Variants in KAT2B observed in about 807,000 individuals in gnomAD.
The protein encoded by KAT2B is lysine acetyltransferase 2B.
Under a neutral mutation model 105.9 loss-of-function variants are expected in KAT2B, and 36 were observed. The observed-to-expected ratio is 0.34, with a 90% CI of 0.26 to 0.45. The LOEUF (loss-of-function observed/expected upper bound fraction) is 0.45. Among genes scored for constraint, KAT2B ranks in the 20% least tolerant of loss-of-function variants. The probability of loss-of-function intolerance (pLI) is 1.00; values close to 1 mark genes in which losing one functional copy is unlikely to be tolerated. For missense variants in KAT2B, 820 were observed against 1,021.6 expected (o/e 0.80, Z 2.69); for synonymous variants, 397 against 377.9 (o/e 1.05, Z -0.59).
At chr3:20,098,224 C>T (rs1050434443) in intron 3 of KAT2B, among the ~76,000 whole-genome samples, 1 of 133,098 alleles carries the variant, frequency 7.5e-6, no homozygotes, top group Non-Finnish European at 1.6e-5. Context: ...AGTGAGACAA[C>T]GTCCCAAATT....
chr3:20,135,066 C>T (rs1699577099), intron 11 of KAT2B, among the ~76,000 whole-genome samples: 1 of 152,182 alleles, frequency 6.6e-6, no homozygotes. Flanking sequence ...CCTCTATACA[C>T]ATGTGTTTAT....
At chr3:20,089,994 AC>A (rs1698688104) in intron 2 of KAT2B, among the ~76,000 whole-genome samples, 3 of 148,546 alleles carry the variant, frequency 2.0e-5, no homozygotes, top group Admixed American at 6.9e-5. Flanking sequence ...AAACAAACAA[AC>A]AAAAAAACAA....
At chr3:20,113,796 C>A (rs986136705) in intron 6 of KAT2B, among the ~76,000 whole-genome samples, 2 of 151,946 alleles carry the variant, frequency 1.3e-5, no homozygotes, top group African/African-American at 4.8e-5. Context: ...TCTTCCTATT[C>A]TTCATATGTG....
chr3:20,144,768 T>G (rs1334751656), intron 13 of KAT2B, among the ~76,000 whole-genome samples: 3 of 151,688 alleles, frequency 2.0e-5, no homozygotes, highest in Non-Finnish European at 4.4e-5. Context: ...GCTGTAAGTA[T>G]AAAATCCTCT....
chr3:20,136,492 G>C (rs549157125), intron 11 of KAT2B, among the ~76,000 whole-genome samples: 18 of 151,930 alleles, frequency 1.2e-4, no homozygotes, highest in Non-Finnish European at 2.5e-4. Context: ...GTAAACACTT[G>C]GATTACTAAA....
At chr3:20,101,568 A>G (rs547214206) in intron 5 of KAT2B, 100 bp downstream of exon 5, 3 of 849,286 alleles carry the variant, frequency 3.5e-6, no homozygotes, top group South Asian at 3.3e-5. Context: ...AGTTATCATT[A>G]TGACTCCATC....
At chr3:20,048,215 A>T (rs1697850027) in intron 1 of KAT2B, among the ~76,000 whole-genome samples, 1 of 152,236 alleles carries the variant, frequency 6.6e-6, no homozygotes, top group Non-Finnish European at 1.5e-5. Context: ...AAAGCCTGAG[A>T]GAAAGATGTC....
rs1697691415 is a variant in KAT2B, at chr3:20,040,507, C to T, written c.30C>T (p.Gly10=). MSEAGGAGP[G]GCGAGAGAGA... is the part of the protein sequence containing the mutation. ...CCGAGGCTGGCGGGGCCGGGCCGGG[C>T]GGCTGCGGGGCAGGAGCCGGGGCAG... Residue 10 remains glycine, a synonymous_variant, in exon 1 of 18, where the codon GGC becomes GGT. Transcript: ENST00000263754. The T allele has an allele frequency of 1.5e-5, 15 of 1,026,584 alleles. No individual in the cohort carries two copies. The highest frequency in any genetic ancestry group is 4.6e-4 in the Middle Eastern group (1 of 2,182). 63.6% of individuals were successfully genotyped at this position (1,026,584 alleles called of 1,614,324 possible). A position where few individuals can be genotyped will look rare whatever the true frequency, so the allele number is the denominator to read the frequency against.
At chr3:20,073,553 G>A (rs1698364448) in intron 2 of KAT2B, among the ~76,000 whole-genome samples, 3 of 152,162 alleles carry the variant, frequency 2.0e-5, no homozygotes, top group African/African-American at 7.2e-5. Context: ...TCTGAAAATA[G>A]AAATAGTCCT....
At chr3:20,136,380 G>A (rs1379081108) in intron 11 of KAT2B, among the ~76,000 whole-genome samples, 1 of 152,104 alleles carries the variant, frequency 6.6e-6, no homozygotes, top group African/African-American at 2.4e-5. Context: ...GAGATTCTGG[G>A]CTTCTCAGAC....
intron 13 of KAT2B, among the ~76,000 whole-genome samples, chr3:20,141,261 T>C (rs1699690108): frequency 6.6e-6 from 1 of 152,186 alleles, no homozygotes; most frequent in African/African-American, 2.4e-5. Context: ...AGTGATTTGT[T>C]ATCTGGTATT....
chr3:20,042,525 C>G (rs1362906936), intron 1 of KAT2B, among the ~76,000 whole-genome samples: 1 of 152,188 alleles, frequency 6.6e-6, no homozygotes, highest in Non-Finnish European at 1.5e-5. Flanking sequence ...CAAACACCAC[C>G]TGTTCCACAA....
intron 13 of KAT2B, among the ~76,000 whole-genome samples, chr3:20,145,962 T>C (rs1257807263): frequency 6.6e-6 from 1 of 152,206 alleles, no homozygotes; most frequent in Non-Finnish European, 1.5e-5. Flanking sequence ...TAGTGAATGC[T>C]CAGGGCTGCT....
chr3:20,088,964 C>T (rs1298561117), intron 2 of KAT2B, among the ~76,000 whole-genome samples: 2 of 152,068 alleles, frequency 1.3e-5, no homozygotes, highest in African/African-American at 4.8e-5. Context: ...ATGTGGATAT[C>T]CGGTTGTCCC....
chr3:20,042,013 A>T (rs1483179358), intron 1 of KAT2B, among the ~76,000 whole-genome samples: 2 of 152,184 alleles, frequency 1.3e-5, no homozygotes, highest in Non-Finnish European at 2.9e-5. Context: ...CACTGGTTCA[A>T]TAAATATTTG....
intron 2 of KAT2B, among the ~76,000 whole-genome samples, chr3:20,081,530 A>G (rs981319834): frequency 2.6e-5 from 4 of 152,062 alleles, no homozygotes; most frequent in African/African-American, 9.7e-5. Flanking sequence ...TCGTCCCCTC[A>G]CTTGCACCTT....
intron 1 of KAT2B, among the ~76,000 whole-genome samples, chr3:20,059,703 T>TAAAAA (rs1698067189): frequency 6.6e-6 from 1 of 152,136 alleles, no homozygotes; most frequent in African/African-American, 2.4e-5. Context: ...AGACTCCATC[T>TAAAAA]CAAAACAAAA....
chr3:20,064,674 C>G (rs917535924), intron 1 of KAT2B, among the ~76,000 whole-genome samples: 1 of 152,158 alleles, frequency 6.6e-6, no homozygotes, highest in Non-Finnish European at 1.5e-5. Flanking sequence ...CACCTAGAGC[C>G]TCAGCTTTCT....
At chr3:20,107,444 C>T (rs1042684370) in intron 5 of KAT2B, among the ~76,000 whole-genome samples, 4 of 151,416 alleles carry the variant, frequency 2.6e-5, no homozygotes, top group Admixed American at 2.0e-4. Context: ...GATCACTTGA[C>T]GTCAGGAGTT....
Sources: allele counts gnomAD v4.1 joint callset (sites outside exome capture counted in the v4.1 genomes callset), GRCh38; gene constraint gnomAD v4.1.1; transcripts MANE v1.5; gene names NCBI Gene and HGNC (gene_info 2026-07-23, HGNC 2026-07-21).